Variants in FAM174A observed in about 807,000 individuals in gnomAD.
FAM174A encodes the protein family with sequence similarity 174 member A.
Under a neutral mutation model 14.3 loss-of-function variants are expected in FAM174A, and 14 were observed. That is an observed-to-expected ratio of 0.98 (90% confidence interval 0.65 to 1.53). FAM174A has a LOEUF of 1.53. Ranked by LOEUF, FAM174A falls within the 40% of genes most tolerant of loss-of-function variation. The pLI, the probability that FAM174A is intolerant of heterozygous loss-of-function variation, is 0.00. For missense variants in FAM174A, 241 were observed against 249.6 expected (o/e 0.97, Z 0.23); for synonymous variants, 108 against 111.4 (o/e 0.97, Z 0.19).
At chr5:100,577,083 C>A (rs1746919501) in intron 2 of FAM174A, among the ~76,000 whole-genome samples, 1 of 152,044 alleles carries the variant, frequency 6.6e-6, no homozygotes, top group African/African-American at 2.4e-5. Context: ...TACCTTCTTG[C>A]TATTTTGTTT....
intron 2 of FAM174A, among the ~76,000 whole-genome samples, chr5:100,571,262 G>A (rs1993517): frequency 0.18 from 27,464 of 151,432 alleles, 3,213 homozygotes; most frequent in Admixed American, 0.32. Flanking sequence ...TTGCATCTAT[G>A]TATTTAAAAA....
intron 1 of FAM174A, among the ~76,000 whole-genome samples, chr5:100,549,556 A>G (rs895943864): frequency 5.9e-5 from 9 of 152,064 alleles, no homozygotes; most frequent in African/African-American, 2.2e-4. Flanking sequence ...AAAGGTATCT[A>G]TCAAGGAAAA....
intron 1 of FAM174A, among the ~76,000 whole-genome samples, chr5:100,540,611 A>G (rs529706176): frequency 6.6e-6 from 1 of 152,324 alleles, no homozygotes; most frequent in African/African-American, 2.4e-5. Flanking sequence ...CCTTCACAAA[A>G]TGTTTACTCA....
chr5:100,543,151 C>A (rs2112365829), intron 1 of FAM174A, among the ~76,000 whole-genome samples: 1 of 152,162 alleles, frequency 6.6e-6, no homozygotes, highest in East Asian at 1.9e-4. Context: ...ATACTAGCTG[C>A]ATTTCTTTTA....
At chr5:100,553,364 T>A (rs191565553) in intron 1 of FAM174A, among the ~76,000 whole-genome samples, 163 of 152,244 alleles carry the variant, frequency 1.1e-3, no homozygotes, top group Non-Finnish European at 2.1e-3. Context: ...AGCTTTGAAA[T>A]TGCTTTTTTT....
intron 2 of FAM174A, among the ~76,000 whole-genome samples, chr5:100,573,214 C>G (rs1425412939): frequency 1.3e-5 from 2 of 151,950 alleles, no homozygotes; most frequent in African/African-American, 2.4e-5. Flanking sequence ...CCTGTTCACT[C>G]TGATGGTAGT....
At chr5:100,570,535 A>T (rs1460243801) in intron 2 of FAM174A, among the ~76,000 whole-genome samples, 1 of 151,928 alleles carries the variant, frequency 6.6e-6, no homozygotes, top group Non-Finnish European at 1.5e-5. Flanking sequence ...ACTTATGTGG[A>T]GATATAAGAT....
At chr5:100,576,632 G>T (rs1210894864) in intron 2 of FAM174A, among the ~76,000 whole-genome samples, 1 of 152,150 alleles carries the variant, frequency 6.6e-6, no homozygotes, top group African/African-American at 2.4e-5. Flanking sequence ...ACCAGTTGAG[G>T]TGGAATGGAT....
In FAM174A at chr5:100,540,898, C is replaced by T. The variant is rs374312335; in HGVS notation, c.434+4934C>T. Among the ~76,000 whole-genome samples the T allele has an allele frequency of 6.3e-4, 96 of 152,248 alleles. No individual in the cohort carries two copies. In the South Asian group the frequency reaches 0.018, roughly 28 times the overall value. On this transcript the variant is annotated intron_variant, in intron 1 of 2. Coordinates refer to ENST00000312637, the MANE Select transcript of FAM174A (RefSeq NM_198507.3). ...CCACATATAGACATTGATATCTATACGGGGTAAATGTATGAGACTACCTGC... is the reference window on the plus strand; with the variant it reads ...CCACATATAGACATTGATATCTATATGGGGTAAATGTATGAGACTACCTGC...
At chr5:100,579,357 T>C (rs1746962247) in intron 2 of FAM174A, among the ~76,000 whole-genome samples, 1 of 152,140 alleles carries the variant, frequency 6.6e-6, no homozygotes, top group Admixed American at 6.5e-5. Context: ...TAAGACACCA[T>C]TAATTTTAAG....
At chr5:100,543,651 A>G (rs1056758125) in intron 1 of FAM174A, among the ~76,000 whole-genome samples, 1 of 151,380 alleles carries the variant, frequency 6.6e-6, no homozygotes, top group Non-Finnish European at 1.5e-5. Context: ...GGGGAGTGGC[A>G]CAGTCTTAGC....
At chr5:100,538,621 T>C (rs1013726414) in intron 1 of FAM174A, among the ~76,000 whole-genome samples, 3 of 152,240 alleles carry the variant, frequency 2.0e-5, no homozygotes, top group Non-Finnish European at 2.9e-5. Context: ...TTCTGTCTTA[T>C]TCTCCCCTAT....
chr5:100,566,966 G>T (rs1294774435), intron 2 of FAM174A, among the ~76,000 whole-genome samples: 1 of 151,932 alleles, frequency 6.6e-6, no homozygotes, highest in East Asian at 1.9e-4. Flanking sequence ...GTTAGATGGT[G>T]CAAATGCATG....
intron 2 of FAM174A, among the ~76,000 whole-genome samples, chr5:100,576,947 G>A (rs772065106): frequency 1.6e-4 from 25 of 152,096 alleles, no homozygotes; most frequent in African/African-American, 5.8e-4. Context: ...GTCAGAGGCC[G>A]CATATGCTGA....
chr5:100,555,758 G>T (rs1746364330), intron 1 of FAM174A, among the ~76,000 whole-genome samples: 1 of 152,062 alleles, frequency 6.6e-6, no homozygotes, highest in Non-Finnish European at 1.5e-5. Flanking sequence ...CATATCATTT[G>T]CCCAGTTTTT....
At chr5:100,586,109 C>A in intron 2 of FAM174A, 72 bp from the exon 3 acceptor site, 2 of 802,248 alleles carry the variant, frequency 2.5e-6, no homozygotes, top group Admixed American at 2.7e-5. Context: ...CCAAATCTTT[C>A]TGAATAGTTT....
intron 2 of FAM174A, among the ~76,000 whole-genome samples, chr5:100,578,782 A>G (rs1746949752): frequency 6.6e-6 from 1 of 152,208 alleles, no homozygotes; most frequent in Non-Finnish European, 1.5e-5. Context: ...ATTTTTACCT[A>G]TTAAGCTTAG....
intron 2 of FAM174A, among the ~76,000 whole-genome samples, chr5:100,566,692 C>G (rs1746659769): frequency 6.6e-6 from 1 of 151,740 alleles, no homozygotes; most frequent in South Asian, 2.1e-4. Context: ...TCATGCACAT[C>G]ATAACATCAT....
chr5:100,556,486 T>C (rs1473473013), intron 1 of FAM174A, among the ~76,000 whole-genome samples: 2 of 152,310 alleles, frequency 1.3e-5, no homozygotes, highest in East Asian at 3.9e-4. Flanking sequence ...AAGAAAGTCA[T>C]TGGTAGCTTG....
Sources: allele counts gnomAD v4.1 joint callset (sites outside exome capture counted in the v4.1 genomes callset), GRCh38; gene constraint gnomAD v4.1.1; transcripts MANE v1.5; gene names NCBI Gene and HGNC (gene_info 2026-07-23, HGNC 2026-07-21).